Variants in SLFN12L observed in about 807,000 individuals in gnomAD.
The protein encoded by SLFN12L is schlafen family member 12-like.
In SLFN12L, 34 loss-of-function variants were observed where a neutral mutation model predicts 34.8. That is an observed-to-expected ratio of 0.98 (90% CI 0.74 to 1.30). The LOEUF (loss-of-function observed/expected upper bound fraction) is 1.30, where lower values mean the gene tolerates loss of function less well. Ranked by LOEUF, SLFN12L falls within the 50% of genes most tolerant of loss-of-function variation. SLFN12L has a pLI of 0.00. For synonymous variants in SLFN12L, 259 were observed against 247.5 expected, an observed-to-expected ratio of 1.05 and a Z score of -0.44; for missense variants, 703 against 696.2, an observed-to-expected ratio of 1.01 and a Z score of -0.11.
intron 2 of SLFN12L, chr17:35,491,063 C>A: frequency 2.5e-6 from 2 of 785,102 alleles, no homozygotes; most frequent in East Asian, 2.4e-5. Context: ...TCCTTCTAAT[C>A]CTCTAGTATG....
intron 4 of SLFN12L, among the ~76,000 whole-genome samples, chr17:35,477,480 A>G (rs1342729635): frequency 6.6e-6 from 1 of 152,150 alleles, no homozygotes; most frequent in Non-Finnish European, 1.5e-5. Flanking sequence ...GAAAAGAGAA[A>G]ATGCAAGTCA....
intron 3 of SLFN12L, among the ~76,000 whole-genome samples, chr17:35,478,799 A>G (rs1158037526): frequency 2.0e-5 from 3 of 152,224 alleles, no homozygotes; most frequent in Non-Finnish European, 1.5e-5. Context: ...ATGGTTAGTT[A>G]CAGAAAATGA....
chr17:35,521,321 G>A (rs987934122), intron 2 of SLFN12L, among the ~76,000 whole-genome samples: 4 of 152,224 alleles, frequency 2.6e-5, no homozygotes, highest in Admixed American at 1.3e-4. Context: ...AATGTACTAT[G>A]GTTGTGAAAA....
chr17:35,497,922 T>C (rs766807806), intron 2 of SLFN12L, among the ~76,000 whole-genome samples: 72 of 152,250 alleles, frequency 4.7e-4, no homozygotes, highest in Middle Eastern at 3.4e-3. Context: ...AAGTGGCTCA[T>C]GCCTGTAATC....
chr17:35,522,630 C>G lies in SLFN12L; in HGVS notation c.-266G>C. On this transcript the variant is annotated 5_prime_UTR_variant, in exon 2 of 5. Transcript: ENST00000628453. ...TCGGAGACACTGCAGCCTCCAAAGCCTCTGCGCTGCTCTCAGGACTCAGGC... is the reference window on the plus strand; with the variant it reads ...TCGGAGACACTGCAGCCTCCAAAGCGTCTGCGCTGCTCTCAGGACTCAGGC... 12 of 1,613,012 alleles carry G rather than the reference C, an allele frequency of 7.4e-6. No homozygotes were observed. The highest frequency in any genetic ancestry group is 1.0e-5 in the Non-Finnish European group (12 of 1,179,430).
chr17:35,502,079 A>G (rs1158645811), intron 2 of SLFN12L, among the ~76,000 whole-genome samples: 1 of 152,168 alleles, frequency 6.6e-6, no homozygotes, highest in Non-Finnish European at 1.5e-5. Flanking sequence ...CAGAAAGTCA[A>G]AGAGAGAGAC....
intron 2 of SLFN12L, among the ~76,000 whole-genome samples, chr17:35,484,849 G>A (rs1419128859): frequency 2.0e-5 from 3 of 152,246 alleles, no homozygotes; most frequent in East Asian, 1.9e-4. Context: ...ATTTATTACT[G>A]AAGTCATCTG....
chr17:35,494,879 A>T (rs1055753685), intron 2 of SLFN12L, among the ~76,000 whole-genome samples: 13 of 148,824 alleles, frequency 8.7e-5, no homozygotes, highest in Admixed American at 7.4e-4. Context: ...TAATTTTATT[A>T]ATTTATTTAT....
Position 35,471,413 on chromosome 17 carries a change from A to C in SLFN12L, c.*3510T>G, listed in dbSNP as rs1358469611. The stretch of plus-strand genomic sequence containing the variant: ...CAGCCTCCCAAAGTGCTGGGATTAC[A>C]GGCATGAGCCACCGCGCCACGCCTG... On this transcript the variant is annotated 3_prime_UTR_variant, in exon 5 of 5. Transcript: ENST00000628453. Among the ~76,000 whole-genome samples, 3 of 152,210 alleles carry C rather than the reference A, an allele frequency of 2.0e-5. No individual in the cohort carries two copies. Among genetic ancestry groups the C allele is most frequent in the Non-Finnish European group, 4.4e-5 (3 of 68,026 alleles).
chr17:35,512,150 A>AT (rs34171279), intron 2 of SLFN12L, among the ~76,000 whole-genome samples: 11,991 of 69,196 alleles, frequency 0.17, 2,328 homozygotes, highest in African/African-American at 0.38. Context: ...AAAAGAGCTG[A>AT]TTTTTTTTTT....
chr17:35,514,478 T>A (rs1050768322), intron 2 of SLFN12L, among the ~76,000 whole-genome samples: 3 of 150,938 alleles, frequency 2.0e-5, no homozygotes, highest in Admixed American at 6.7e-5. Context: ...GTTTTCAACA[T>A]AAGCAAGGCC....
intron 2 of SLFN12L, among the ~76,000 whole-genome samples, chr17:35,497,671 G>T (rs1915138455): frequency 6.6e-6 from 1 of 152,062 alleles, no homozygotes; most frequent in Non-Finnish European, 1.5e-5. Flanking sequence ...AAAGCAATCC[G>T]ACAGTCTTGA....
intron 2 of SLFN12L, among the ~76,000 whole-genome samples, chr17:35,497,227 C>T (rs1915115339): frequency 6.6e-6 from 1 of 152,072 alleles, no homozygotes; most frequent in Non-Finnish European, 1.5e-5. Flanking sequence ...CTAGTCTGTA[C>T]CAAAAATACA....
intron 2 of SLFN12L, chr17:35,490,198 C>G: frequency 6.3e-7 from 1 of 1,595,500 alleles, no homozygotes; most frequent in Non-Finnish European, 8.6e-7. Flanking sequence ...TGGGACGAGG[C>G]GGCAGTGGCC....
At chr17:35,497,342 G>A (rs948057697) in intron 2 of SLFN12L, among the ~76,000 whole-genome samples, 2 of 152,094 alleles carry the variant, frequency 1.3e-5, no homozygotes, top group African/African-American at 4.8e-5. Context: ...AGTGAGCCGA[G>A]ATCGTATCAC....
chr17:35,523,431 GAAGAGGAAGTTACGTAA>G (rs890792111), intron 1 of SLFN12L, among the ~76,000 whole-genome samples: 4 of 152,208 alleles, frequency 2.6e-5, no homozygotes, highest in African/African-American at 9.6e-5. Context: ...TATTTGCGGA[GAAGAGGAAGTTACGTAA>G]AAGCTTTTAT....
chr17:35,532,261 G>A (rs890255053), intron 1 of SLFN12L, among the ~76,000 whole-genome samples: 44 of 152,146 alleles, frequency 2.9e-4, no homozygotes, highest in African/African-American at 8.9e-4. Context: ...CCAACATAGC[G>A]AAACCCCGAC....
rs1221157889 is a variant in SLFN12L, at chr17:35,472,469, T to C, written c.*2454A>G. Among the ~76,000 whole-genome samples, 1 of 152,244 alleles carries C rather than the reference T, an allele frequency of 6.6e-6. No homozygotes were observed. Among genetic ancestry groups the C allele is most frequent in the African/African-American group, 2.4e-5 (1 of 41,464 alleles). Reference sequence around the variant, plus strand: ...GATGTGTGGTGTTATTTCTGAGGTCTCTGTTCTGTTCCATTGGTCTATATG... The same window carrying C: ...GATGTGTGGTGTTATTTCTGAGGTCCCTGTTCTGTTCCATTGGTCTATATG... On this transcript the variant is annotated 3_prime_UTR_variant, in exon 5 of 5. Transcript: ENST00000628453.
At chr17:35,476,568 G>C (rs147062335) in intron 4 of SLFN12L, among the ~76,000 whole-genome samples, 1 of 152,122 alleles carries the variant, frequency 6.6e-6, no homozygotes, top group African/African-American at 2.4e-5. Context: ...GGAGATTAAA[G>C]AGCTGAACAT....
Sources: gnomAD v4.1 joint callset for allele counts (sites outside exome capture counted in the v4.1 genomes callset) on GRCh38, gnomAD v4.1.1 for gene constraint, MANE v1.5 for transcripts, NCBI Gene and HGNC (gene_info 2026-07-23, HGNC 2026-07-21) for gene names.